CCSER1: variants seen among roughly 807,000 people sequenced by gnomAD.
The protein encoded by CCSER1 is serine-rich coiled-coil domain-containing protein 1.
In CCSER1, 41 loss-of-function variants were observed where a neutral mutation model predicts 82.0. The ratio of observed to expected loss-of-function variants is 0.50; its 90% CI spans 0.39 to 0.65. The LOEUF (loss-of-function observed/expected upper bound fraction) is 0.65. CCSER1 is among the 30% of genes least tolerant of loss of function. CCSER1 has a pLI of 0.00. For synonymous variants in CCSER1, 414 were observed against 383.9 expected (o/e 1.08, Z -0.92); for missense variants, 1,119 against 1,064.2 (o/e 1.05, Z -0.72).
At chr4:90,127,915 G>T (rs968597935) in intron 1 of CCSER1, 84 bp downstream of exon 1, 1 of 151,944 alleles carries the variant, frequency 6.6e-6, no homozygotes, top group Non-Finnish European at 1.5e-5. Flanking sequence ...GCGGACGCGG[G>T]GATGACCGCT....
At chr4:91,525,041 G>A (rs1760702059) in intron 10 of CCSER1, among the ~76,000 whole-genome samples, 1 of 151,986 alleles carries the variant, frequency 6.6e-6, no homozygotes, top group South Asian at 2.1e-4. Flanking sequence ...AAGAAGGAAT[G>A]GGGAATTTTA....
chr4:90,903,566 G>A (rs974809415), intron 8 of CCSER1, among the ~76,000 whole-genome samples: 1 of 152,044 alleles, frequency 6.6e-6, no homozygotes, highest in Non-Finnish European at 1.5e-5. Flanking sequence ...CAAGTAAATG[G>A]AAAGTAAACA....
At chr4:91,526,864 A>G (rs1254122932) in intron 10 of CCSER1, among the ~76,000 whole-genome samples, 2 of 152,054 alleles carry the variant, frequency 1.3e-5, no homozygotes, top group African/African-American at 4.8e-5. Context: ...AAGTGCTGAG[A>G]TTATAGGCGT....
chr4:90,965,536 C>T (rs970745326), intron 9 of CCSER1, among the ~76,000 whole-genome samples: 4 of 152,142 alleles, frequency 2.6e-5, no homozygotes, highest in African/African-American at 9.7e-5. Context: ...TTGGCCAATA[C>T]ATTCAAGATA....
intron 9 of CCSER1, among the ~76,000 whole-genome samples, chr4:90,993,039 A>G (rs901660020): frequency 2.0e-5 from 3 of 152,152 alleles, no homozygotes; most frequent in East Asian, 3.9e-4. Flanking sequence ...TCCTCACTGT[A>G]AATATACTGC....
chr4:91,272,171 T>C (rs1742085793), intron 10 of CCSER1, among the ~76,000 whole-genome samples: 1 of 152,214 alleles, frequency 6.6e-6, no homozygotes, highest in Admixed American at 6.5e-5. Flanking sequence ...CTTTAAGGAT[T>C]CTCCACACTG....
At chr4:90,626,322 C>T (rs1228492948) in intron 5 of CCSER1, among the ~76,000 whole-genome samples, 4 of 151,858 alleles carry the variant, frequency 2.6e-5, no homozygotes, top group African/African-American at 4.8e-5. Context: ...TTCAAAAATT[C>T]GATTATAACT....
In CCSER1 at chr4:90,801,605, T is replaced by TA. The variant is rs200022881; in HGVS notation, c.2011-14150dup. On this transcript the variant is annotated intron_variant, in intron 7 of 10. Coordinates refer to ENST00000509176, the MANE Select transcript of CCSER1 (RefSeq NM_001145065.2). The stretch of plus-strand genomic sequence containing the variant: ...CTATTTCCTTATTTGACTAATATGC[T>TA]AAAAAAATACATTTCTAACATACTG... Among the ~76,000 whole-genome samples the TA allele has an allele frequency of 4.8e-4, 73 of 152,258 alleles. 1 individual carries two copies. In the East Asian group the frequency reaches 0.012, roughly 24 times the overall value.
At chr4:90,518,181 T>G (rs898367246) in intron 5 of CCSER1, among the ~76,000 whole-genome samples, 5 of 152,088 alleles carry the variant, frequency 3.3e-5, no homozygotes, top group African/African-American at 1.2e-4. Context: ...AATTTTAAAA[T>G]AAATTTTTCC....
chr4:90,932,096 T>G (rs939057915), intron 9 of CCSER1, among the ~76,000 whole-genome samples: 2 of 152,204 alleles, frequency 1.3e-5, no homozygotes, highest in African/African-American at 4.8e-5. Context: ...ATTAACCTTA[T>G]GCTCTGTAAA....
intron 10 of CCSER1, among the ~76,000 whole-genome samples, chr4:91,289,693 A>G (rs1349193895): frequency 6.6e-6 from 1 of 152,042 alleles, no homozygotes; most frequent in Non-Finnish European, 1.5e-5. Context: ...TGGTGGGATT[A>G]TGGGATGGGG....
intron 7 of CCSER1, among the ~76,000 whole-genome samples, chr4:90,746,682 T>C (rs1747534787): frequency 6.6e-6 from 1 of 152,214 alleles, no homozygotes; most frequent in South Asian, 2.1e-4. Flanking sequence ...CTGAGATAAC[T>C]GCATTTCTGT....
chr4:91,000,070 G>T (rs948307506), intron 9 of CCSER1, among the ~76,000 whole-genome samples: 1 of 151,566 alleles, frequency 6.6e-6, no homozygotes, highest in African/African-American at 2.4e-5. Flanking sequence ...TATTTTTGAT[G>T]ACTTTGTTTC....
intron 3 of CCSER1, among the ~76,000 whole-genome samples, chr4:90,329,333 T>C (rs1022017325): frequency 1.3e-5 from 2 of 152,156 alleles, no homozygotes; most frequent in Non-Finnish European, 2.9e-5. Context: ...TCAAATAATA[T>C]AGTTTATGTG....
At chr4:91,361,919 G>T (rs1486141595) in intron 10 of CCSER1, among the ~76,000 whole-genome samples, 2 of 151,592 alleles carry the variant, frequency 1.3e-5, no homozygotes, top group Non-Finnish European at 3.0e-5. Context: ...AATATACAAA[G>T]AAAAATAAAA....
chr4:90,492,667 T>C (rs560527508), intron 5 of CCSER1, among the ~76,000 whole-genome samples: 3 of 152,206 alleles, frequency 2.0e-5, no homozygotes, highest in Non-Finnish European at 2.9e-5. Context: ...GTGCTATAAG[T>C]TTCCCTCTAC....
chr4:91,168,874 G>C (rs1188098084), intron 10 of CCSER1, among the ~76,000 whole-genome samples: 1 of 152,136 alleles, frequency 6.6e-6, no homozygotes, highest in African/African-American at 2.4e-5. Context: ...CTTCTGCCTT[G>C]GGATGCTGTT....
chr4:90,751,539 A>T (rs974816523), intron 7 of CCSER1, among the ~76,000 whole-genome samples: 1 of 152,150 alleles, frequency 6.6e-6, no homozygotes, highest in African/African-American at 2.4e-5. Flanking sequence ...ATAGTGATTT[A>T]AGAAACCAAT....
intron 1 of CCSER1, among the ~76,000 whole-genome samples, chr4:90,232,552 C>T (rs1378440969): frequency 2.7e-5 from 4 of 149,690 alleles, no homozygotes; most frequent in Non-Finnish European, 4.4e-5. Context: ...CCATTCAGGA[C>T]ATAGGCATGG....
Sources: allele counts gnomAD v4.1 joint callset (sites outside exome capture counted in the v4.1 genomes callset), GRCh38; gene constraint gnomAD v4.1.1; transcripts MANE v1.5; gene names NCBI Gene and HGNC (gene_info 2026-07-23, HGNC 2026-07-21).